Variants in SOD2 observed in about 807,000 individuals in gnomAD.
SOD2 encodes the protein superoxide dismutase [Mn], mitochondrial.
A neutral mutation model predicts 27.0 loss-of-function variants in SOD2; 11 were observed. The ratio of observed to expected loss-of-function variants is 0.41; its 90% CI spans 0.26 to 0.67. The LOEUF (loss-of-function observed/expected upper bound fraction) is 0.67. SOD2 is among the 30% of genes least tolerant of loss of function. The probability of loss-of-function intolerance (pLI) is 0.34; values close to 1 mark genes in which losing one functional copy is unlikely to be tolerated. For missense variants in SOD2, 250 were observed against 274.5 expected (o/e 0.91, Z 0.63); for synonymous variants, 105 against 103.0 (o/e 1.02, Z -0.12).
chr6:159,741,804 G>A (rs4708844), intron 1 of SOD2: 66,639 of 252,118 alleles, frequency 0.26, 9,744 homozygotes, highest in East Asian at 0.4. Context: ...CCTGGGCAAC[G>A]TAGTGAGACC....
chr6:159,716,569 C>T (rs1562440760), intron 1 of SOD2, among the ~76,000 whole-genome samples: 1 of 152,172 alleles, frequency 6.6e-6, no homozygotes, highest in Non-Finnish European at 1.5e-5. Context: ...ACTCTGCCTG[C>T]AAGAAGACTG....
exon 1 of SOD2, chr6:159,727,148 G>A (rs868556302): frequency 4.2e-6 from 5 of 1,195,066 alleles, no homozygotes; most frequent in East Asian, 6.0e-5. Context: ...TGAGCTCCGG[G>A]GCCCGCGGAG....
rs755751484 is a variant in SOD2 at position 159,680,470 on chromosome 6, C to G, written c.*2023G>C. ...TAATTTTTAAAGCCTACTTTTCTAACTGAATTTTAAAAGTACCTTGAATTT... is the reference window on the plus strand; with the variant it reads ...TAATTTTTAAAGCCTACTTTTCTAAGTGAATTTTAAAAGTACCTTGAATTT... On this transcript the variant is annotated 3_prime_UTR_variant, in exon 5 of 5. Coordinates refer to ENST00000538183, the MANE Select transcript of SOD2 (RefSeq NM_000636.4). 1.3e-5 allele frequency: 2 copies of G among 151,880 alleles called. No individual in the cohort carries two copies. The highest frequency in any genetic ancestry group is 2.9e-5 in the Non-Finnish European group (2 of 68,016). The allele number at this position is 151,880 out of a possible 1,614,324, so 9.4% of individuals were successfully genotyped here. A position where few individuals can be genotyped will look rare whatever the true frequency, so the allele number is the denominator to read the frequency against.
At chr6:159,746,974 G>A (rs1779613468), upstream of SOD2, among the ~76,000 whole-genome samples, 1 of 152,122 alleles carries the variant, frequency 6.6e-6, no homozygotes, top group Admixed American at 6.5e-5. Flanking sequence ...TGTAAGTCAT[G>A]GTTTATTCTC....
At chr6:159,694,884 A>G (rs1777391258), upstream of SOD2, among the ~76,000 whole-genome samples, 1 of 151,926 alleles carries the variant, frequency 6.6e-6, no homozygotes, top group African/African-American at 2.4e-5. Context: ...GATTACAGGT[A>G]GGAGCCACGG....
At chr6:159,688,104 G>C in intron 3 of SOD2, 22 bp downstream of exon 3, 6 of 1,210,784 alleles carry the variant, frequency 5.0e-6, no homozygotes, top group African/African-American at 1.5e-5. Context: ...ATGTAGATAA[G>C]GGTGCACCAA....
rs1298996475 is a variant in SOD2, at chr6:159,693,147, G to A, written c.21C>T (p.Cys7=). Residue 7 remains cysteine (C), a splice_region_variant and synonymous_variant, in exon 1 of 5, where the codon TGC becomes TGT. Transcript: ENST00000538183. MLSRAV[C]GTSRQLAPVL... ...GACCGGGTCCCCTTTCTTCTCACCC[G>A]CACACTGCCCGGCTCAACATGCTGC... is the stretch of plus-strand genomic sequence containing the variant. 5.2e-6 allele frequency: 8 copies of A among 1,533,616 alleles called. No homozygotes were observed. Among genetic ancestry groups the A allele is most frequent in the Non-Finnish European group, 6.1e-6 (7 of 1,140,104 alleles).
upstream of SOD2, among the ~76,000 whole-genome samples, chr6:159,695,457 G>T (rs1377034123): frequency 6.6e-6 from 1 of 152,182 alleles, no homozygotes; most frequent in African/African-American, 2.4e-5. Flanking sequence ...ATCCAAGGTT[G>T]TGGGATATGG....
intron 1 of SOD2, among the ~76,000 whole-genome samples, chr6:159,704,290 G>A (rs920597362): frequency 2.6e-5 from 4 of 152,214 alleles, no homozygotes; most frequent in African/African-American, 4.8e-5. Context: ...AGGACAGTGG[G>A]TGCAGAGCAC....
intron 1 of SOD2, chr6:159,738,926 T>C (rs6935631): frequency 8.3e-7 from 1 of 1,204,856 alleles, no homozygotes; most frequent in Non-Finnish European, 1.2e-6. Context: ...GTTTCATAGG[T>C]CTCATTATAG....
chr6:159,748,627 A>T, upstream of SOD2: 1 of 1,286,484 alleles, frequency 7.8e-7, no homozygotes, highest in Non-Finnish European at 9.8e-7. The surrounding 1 kb of genome is among the most constrained non-coding windows in gnomAD (Gnocchi z 5.6). Context: ...AGAAGTGGCC[A>T]CCTCCGAAAA....
intron 1 of SOD2, among the ~76,000 whole-genome samples, chr6:159,702,828 C>T (rs1235504705): frequency 1.3e-4 from 15 of 118,066 alleles, no homozygotes; most frequent in African/African-American, 4.0e-4. Context: ...CCAGCCTGGG[C>T]GACAGAGCAA....
intron 1 of SOD2, among the ~76,000 whole-genome samples, chr6:159,698,570 T>TA (rs1777468660): frequency 1.3e-4 from 2 of 15,068 alleles, no homozygotes; most frequent in African/African-American, 2.8e-4. Context: ...AGACCTTGTC[T>TA]CAAAAAAAAA....
Position 159,712,221 on chromosome 6 carries a change from T to C in SOD2, c.-116+14908A>G, listed in dbSNP as rs369796344. 2.5e-3 allele frequency among the ~76,000 whole-genome samples: 277 copies of C among 110,514 alleles called. 15 individuals are homozygous for C. Among genetic ancestry groups the C allele is most frequent in the Middle Eastern group, 0.013 (2 of 154 alleles). The allele number at this position is 110,514 out of a possible 152,430, so 72.5% of individuals were successfully genotyped here. Reference sequence around the variant, plus strand: ...GCTCTGATCACCATAACCACCTCCATAACCACCACTCACATTGCTCTGATC... The same window carrying C: ...GCTCTGATCACCATAACCACCTCCACAACCACCACTCACATTGCTCTGATC... On this transcript the variant is annotated intron_variant, in intron 1 of 2. Coordinates refer to the SOD2 transcript ENST00000401980.
At chr6:159,692,350 T>C in intron 2 of SOD2, 1 of 1,196,276 alleles carries the variant, frequency 8.4e-7, no homozygotes, top group Non-Finnish European at 1.1e-6. Context: ...AGAGCTTTCT[T>C]TTCAGGCCCT....
upstream of SOD2, chr6:159,727,637 G>A (rs1778274796): frequency 1.0e-6 from 1 of 985,956 alleles, no homozygotes; most frequent in African/African-American, 1.8e-5. Context: ...GGGCCCGGGC[G>A]GCAGGGCAAG....
At chr6:159,717,893 G>GGA (rs1001083479) in intron 1 of SOD2, among the ~76,000 whole-genome samples, 8 of 106,032 alleles carry the variant, frequency 7.5e-5, no homozygotes, top group South Asian at 3.8e-4. Context: ...ATATATGTAT[G>GGA]GATATGTGTG....
rs1453559783 is a variant in SOD2, at chr6:159,682,241, T to C, written c.*252A>G. ...TTTTTGATGGTTTTATAAATGACAA[T>C]TGTAATTTAGCTCTCTGAAGAAAAT... On this transcript the variant is annotated 3_prime_UTR_variant, in exon 5 of 5. Coordinates refer to ENST00000538183, the MANE Select transcript of SOD2 (RefSeq NM_000636.4). 1 of 311,100 alleles carries C rather than the reference T, an allele frequency of 3.2e-6. No individual in the cohort carries two copies. The highest frequency in any genetic ancestry group is 5.8e-6 in the Non-Finnish European group (1 of 170,990). 19.3% of individuals were successfully genotyped at this position (311,100 alleles called of 1,614,324 possible).
chr6:159,710,742 A>C (rs1418879031), intron 1 of SOD2, among the ~76,000 whole-genome samples: 3 of 150,012 alleles, frequency 2.0e-5, no homozygotes, highest in South Asian at 2.1e-4. Context: ...TCTGACCACC[A>C]TAACCACCAC....
Sources: allele counts gnomAD v4.1 joint callset (sites outside exome capture counted in the v4.1 genomes callset), GRCh38; gene constraint gnomAD v4.1.1; non-coding constraint Gnocchi (gnomAD v3.1); transcripts MANE v1.5; gene names NCBI Gene and HGNC (gene_info 2026-07-23, HGNC 2026-07-21).